The following PDE1C variants were observed in gnomAD, a reference collection of about 807,000 sequenced individuals.
PDE1C encodes the protein phosphodiesterase 1C, also known as dual specificity calcium/calmodulin-dependent 3',5'-cyclic nucleotide phosphodiesterase 1C.
In PDE1C, 62 loss-of-function variants were observed where a neutral mutation model predicts 93.1. The observed-to-expected ratio is 0.67, with a 90% CI of 0.54 to 0.82. The LOEUF (loss-of-function observed/expected upper bound fraction) is 0.82, where lower values mean the gene tolerates loss of function less well. Among genes scored for constraint, PDE1C ranks in the 40% least tolerant of loss-of-function variants. The pLI, the probability that PDE1C is intolerant of heterozygous loss-of-function variation, is 0.00. For missense variants in PDE1C, 742 were observed against 884.6 expected, an observed-to-expected ratio of 0.84 and a Z score of 2.04; for synonymous variants, 325 against 310.1, an observed-to-expected ratio of 1.05 and a Z score of -0.50.
the PDE1C span, among the ~76,000 whole-genome samples, chr7:31,618,737 A>G: frequency 6.6e-6 from 1 of 152,212 alleles, no homozygotes; most frequent in Admixed American, 6.5e-5. Context: ...AAAGCTAAGC[A>G]ACTTGCTCAA....
At chr7:31,835,890 G>C (rs1791033028) in intron 11 of PDE1C, among the ~76,000 whole-genome samples, 1 of 152,032 alleles carries the variant, frequency 6.6e-6, no homozygotes, top group Admixed American at 6.6e-5. Context: ...TCTGCATTCA[G>C]ACTTGAAATC....
chr7:31,988,381 G>A (rs989099151), intron 2 of PDE1C, among the ~76,000 whole-genome samples: 1 of 152,136 alleles, frequency 6.6e-6, no homozygotes, highest in Non-Finnish European at 1.5e-5. Flanking sequence ...ACTTTTAAAG[G>A]TTTCTATGTT....
the PDE1C span, among the ~76,000 whole-genome samples, chr7:31,632,249 C>T: frequency 6.6e-6 from 1 of 152,052 alleles, no homozygotes; most frequent in Admixed American, 6.5e-5. Flanking sequence ...GCGATCAAGA[C>T]CATCCTGGCT....
intron 2 of PDE1C, among the ~76,000 whole-genome samples, chr7:32,180,927 C>T (rs1007731058): frequency 6.6e-6 from 1 of 152,098 alleles, no homozygotes; most frequent in Non-Finnish European, 1.5e-5. Context: ...CTGCGAGACA[C>T]AAAGTGTAGG....
intron 6 of PDE1C, 61 bp from the exon 7 acceptor site, chr7:31,865,143 A>T (rs562694479): frequency 6.3e-7 from 1 of 1,582,370 alleles, no homozygotes; most frequent in African/African-American, 1.3e-5. Flanking sequence ...GGAGACACAG[A>T]AGTCTAAGGC....
At chr7:32,148,741 A>G (rs928558135) in intron 3 of PDE1C, among the ~76,000 whole-genome samples, 3 of 152,144 alleles carry the variant, frequency 2.0e-5, no homozygotes, top group African/African-American at 7.2e-5. Context: ...CCCAGCTCCC[A>G]GGTCATTGCT....
intron 3 of PDE1C, among the ~76,000 whole-genome samples, chr7:32,107,810 C>T (rs933356058): frequency 3.3e-5 from 5 of 152,124 alleles, no homozygotes; most frequent in African/African-American, 1.2e-4. Flanking sequence ...AGTAATCATA[C>T]ATTTAAGGAT....
At chr7:31,965,375 G>T (rs1328470714) in intron 2 of PDE1C, among the ~76,000 whole-genome samples, 2 of 152,170 alleles carry the variant, frequency 1.3e-5, no homozygotes, top group Non-Finnish European at 2.9e-5. Context: ...AAGACGAAAT[G>T]AATGAAATGT....
At chr7:32,027,682 C>T (rs1789667092) in intron 2 of PDE1C, among the ~76,000 whole-genome samples, 1 of 140,578 alleles carries the variant, frequency 7.1e-6, no homozygotes, top group Non-Finnish European at 1.5e-5. Flanking sequence ...TCAAAAATCA[C>T]CACTCTGATC....
At chr7:31,829,715 C>A (rs1790135868) in intron 11 of PDE1C, among the ~76,000 whole-genome samples, 1 of 151,958 alleles carries the variant, frequency 6.6e-6, no homozygotes, top group African/African-American at 2.4e-5. Context: ...ATATAGACAC[C>A]CCAGCGGACA....
intron 3 of PDE1C, among the ~76,000 whole-genome samples, chr7:32,083,920 A>G (rs1285520157): frequency 6.6e-6 from 1 of 151,852 alleles, no homozygotes; most frequent in African/African-American, 2.4e-5. Flanking sequence ...AAGACCATCG[A>G]GACTAGGAAG....
intron 1 of PDE1C, among the ~76,000 whole-genome samples, chr7:32,326,350 T>C (rs1783403798): frequency 6.6e-6 from 1 of 152,148 alleles, no homozygotes; most frequent in African/African-American, 2.4e-5. Context: ...GCCATGATAC[T>C]GAATGAGATA....
chr7:31,780,100 C>A (rs1443786089), intron 16 of PDE1C, among the ~76,000 whole-genome samples: 1 of 152,140 alleles, frequency 6.6e-6, no homozygotes, highest in African/African-American at 2.4e-5. Flanking sequence ...AGTTCTTAAA[C>A]AATATGCTGA....
intron 2 of PDE1C, among the ~76,000 whole-genome samples, chr7:32,008,493 G>C (rs79038395): frequency 0.012 from 1,862 of 152,232 alleles, 38 homozygotes; most frequent in African/African-American, 0.042. Flanking sequence ...GGTCCACCTT[G>C]GTCCCTACTA....
intron 2 of PDE1C, among the ~76,000 whole-genome samples, chr7:31,932,935 A>G (rs1804521144): frequency 6.6e-6 from 1 of 152,184 alleles, no homozygotes; most frequent in Non-Finnish European, 1.5e-5. Context: ...TGAAACTGGA[A>G]ACCATCTTTC....
chr7:31,698,244 C>T, the PDE1C span, among the ~76,000 whole-genome samples: 1,272 of 152,292 alleles, frequency 8.4e-3, 14 homozygotes, highest in African/African-American at 0.029. Flanking sequence ...GAAGACATCA[C>T]GACAGAAACA....
At chr7:32,238,050 G>A (rs377059063) in intron 1 of PDE1C, among the ~76,000 whole-genome samples, 3 of 151,974 alleles carry the variant, frequency 2.0e-5, no homozygotes, top group East Asian at 1.9e-4. Context: ...GATTGCAGGC[G>A]TAAACCACCA....
chr7:31,795,224 C>T (rs2128672808), intron 16 of PDE1C, among the ~76,000 whole-genome samples: 1 of 152,054 alleles, frequency 6.6e-6, no homozygotes, highest in East Asian at 1.9e-4. Flanking sequence ...GCCTTTGGCA[C>T]ATATTTACTT....
At chr7:31,696,557 C>T in the PDE1C span, among the ~76,000 whole-genome samples, 97 of 152,204 alleles carry the variant, frequency 6.4e-4, no homozygotes, top group South Asian at 2.5e-3. Flanking sequence ...AGTGTGCAGA[C>T]GCAGCTTGCA....
Sources: gnomAD v4.1 joint callset for allele counts (sites outside exome capture counted in the v4.1 genomes callset) on GRCh38, gnomAD v4.1.1 for gene constraint, MANE v1.5 for transcripts, NCBI Gene and HGNC (gene_info 2026-07-23, HGNC 2026-07-21) for gene names.